GPC4: variants seen among roughly 807,000 people sequenced by gnomAD.
GPC4 encodes glypican-4.
In GPC4, 10 loss-of-function variants were observed where a neutral mutation model predicts 35.0. The ratio of observed to expected loss-of-function variants is 0.29; its 90% CI spans 0.18 to 0.48. The LOEUF (loss-of-function observed/expected upper bound fraction) is 0.48. GPC4 is among the 20% of genes least tolerant of loss of function. The pLI is 0.99. For missense variants in GPC4, 322 were observed against 451.3 expected (o/e 0.71, Z 2.60); for synonymous variants, 167 against 170.2 (o/e 0.98, Z 0.15).
At chrX:133,414,737 G>T (rs992892529) in intron 1 of GPC4, 69 bp downstream of exon 1, 1 of 1,162,989 alleles carries the variant, frequency 8.6e-7, no homozygotes, top group Non-Finnish European at 1.2e-6. Context: ...CGGGGCGGGG[G>T]AAGGGAGTTG....
intron 2 of GPC4, among the ~76,000 whole-genome samples, chrX:133,335,331 C>A (rs1258518467): frequency 9.0e-6 from 1 of 110,931 alleles, no homozygotes; most frequent in Non-Finnish European, 1.9e-5. Flanking sequence ...AAAATGATAG[C>A]ATAGAAAAAC....
intron 4 of GPC4, 151 bp from the exon 5 acceptor site, chrX:133,306,305 G>A: frequency 3.3e-6 from 2 of 607,521 alleles, no homozygotes; most frequent in Non-Finnish European, 5.1e-6. Flanking sequence ...TTGTTTTTAT[G>A]TCTATTTCCC....
At chrX:133,336,875 G>A (rs2068446552) in intron 2 of GPC4, among the ~76,000 whole-genome samples, 1 of 110,977 alleles carries the variant, frequency 9.0e-6, no homozygotes, top group African/African-American at 3.3e-5. Context: ...CTGGAGTGCA[G>A]TGGCGCAATC....
chrX:133,378,413 C>CA (rs775357553), intron 1 of GPC4, among the ~76,000 whole-genome samples: 29 of 107,036 alleles, frequency 2.7e-4, no homozygotes, highest in East Asian at 6.0e-4. Context: ...TAAAAAAATA[C>CA]AAAAAAAACT....
At chrX:133,365,418 T>G (rs1569350955) in intron 1 of GPC4, among the ~76,000 whole-genome samples, 1 of 111,959 alleles carries the variant, frequency 8.9e-6, no homozygotes, top group Non-Finnish European at 1.9e-5. Context: ...GAGCACATTC[T>G]CTGCCCTCAG....
At position 133,415,201 on chromosome X, in the gene GPC4, C is replaced by G; in HGVS notation, c.-236G>C. ...GCGCCGGGCCAGGGGAGAAGGAGGG[C>G]GTGGAGGCGGCGCGCGGCCCAGGGA... On this transcript the variant is annotated 5_prime_UTR_variant, in exon 1 of 9. Transcript: ENST00000370828. 1 of 367,547 alleles carries G rather than the reference C, an allele frequency of 2.7e-6. No individual in the cohort carries two copies. The allele number at this position is 367,547 out of a possible 1,213,427, so 30.3% of individuals were successfully genotyped here.
At chrX:133,344,648 G>A (rs1243836306) in intron 1 of GPC4, among the ~76,000 whole-genome samples, 1 of 111,720 alleles carries the variant, frequency 9.0e-6, no homozygotes, top group Non-Finnish European at 1.9e-5. Flanking sequence ...AGGTGGGGCA[G>A]TAATAGAGGA....
chrX:133,326,848 C>T (rs2068396222), intron 2 of GPC4, among the ~76,000 whole-genome samples: 1 of 112,376 alleles, frequency 8.9e-6, no homozygotes, highest in Admixed American at 9.4e-5. Context: ...CAGTACTTTT[C>T]TAGAGTTCAA....
chrX:133,365,510 G>A (rs5977862), intron 1 of GPC4, among the ~76,000 whole-genome samples: 6,204 of 111,108 alleles, frequency 0.056, 425 homozygotes, highest in African/African-American at 0.19. Flanking sequence ...ACAATATTTT[G>A]CCAAGCCCCC....
At chrX:133,377,877 C>CTTTTTTTTTTCTTTT (rs2068641616) in intron 1 of GPC4, among the ~76,000 whole-genome samples, 7 of 86,188 alleles carry the variant, frequency 8.1e-5, no homozygotes, top group Non-Finnish European at 9.0e-5. Flanking sequence ...TTTTCTTTTT[C>CTTTTTTTTTTCTTTT]TTTTTTTTTT....
At chrX:133,414,601 G>A (rs934298223) in intron 1 of GPC4, 48 of 752,665 alleles carry the variant, frequency 6.4e-5, no homozygotes, top group Non-Finnish European at 6.6e-5. Flanking sequence ...TGCTGGGAAG[G>A]GGGGAGCGCT....
intron 1 of GPC4, among the ~76,000 whole-genome samples, chrX:133,345,617 C>T (rs983778965): frequency 2.7e-5 from 3 of 112,221 alleles, no homozygotes; most frequent in Non-Finnish European, 1.9e-5. Context: ...AATCACTGAG[C>T]TGTAACCAAC....
intron 3 of GPC4, among the ~76,000 whole-genome samples, chrX:133,321,338 C>G (rs2068363757): frequency 8.9e-6 from 1 of 111,802 alleles, no homozygotes; most frequent in South Asian, 3.8e-4. Flanking sequence ...GCTACCCTCC[C>G]CATCCATGTT....
intron 1 of GPC4, among the ~76,000 whole-genome samples, chrX:133,386,455 A>G (rs755398102): frequency 1.1e-4 from 12 of 111,986 alleles, no homozygotes; most frequent in African/African-American, 3.9e-4. Flanking sequence ...TGAAAGGGAC[A>G]TGATTTTATT....
chrX:133,336,240 A>G (rs771784894), intron 2 of GPC4, among the ~76,000 whole-genome samples: 1 of 112,175 alleles, frequency 8.9e-6, no homozygotes, highest in East Asian at 2.8e-4. Context: ...AGCCTTAAAA[A>G]TTAGTCAATC....
At chrX:133,406,077 G>A (rs1186437703) in intron 1 of GPC4, among the ~76,000 whole-genome samples, 2 of 112,165 alleles carry the variant, frequency 1.8e-5, no homozygotes, top group African/African-American at 6.5e-5. Flanking sequence ...TAAACACATG[G>A]CAAAGAGGAC....
intron 1 of GPC4, among the ~76,000 whole-genome samples, chrX:133,386,786 T>C (rs2068692880): frequency 8.9e-6 from 1 of 112,281 alleles, no homozygotes; most frequent in East Asian, 2.8e-4. Context: ...CTTTAGTTTA[T>C]GGTTTTGAGA....
chrX:133,412,627 A>G (rs979615313), intron 1 of GPC4, among the ~76,000 whole-genome samples: 2 of 111,847 alleles, frequency 1.8e-5, no homozygotes, highest in Admixed American at 9.5e-5. Flanking sequence ...GGGTGTGAGC[A>G]CATTAGCTTC....
chrX:133,382,424 C>CAAAAAAAAA (rs1284709655), intron 1 of GPC4, among the ~76,000 whole-genome samples: 1 of 15,644 alleles, frequency 6.4e-5, no homozygotes, highest in African/African-American at 2.7e-4. Context: ...GACTCCGTCT[C>CAAAAAAAAA]AAAAAAAAAA....
Sources: gnomAD v4.1 joint callset for allele counts (sites outside exome capture counted in the v4.1 genomes callset) on GRCh38, gnomAD v4.1.1 for gene constraint, MANE v1.5 for transcripts, NCBI Gene and HGNC (gene_info 2026-07-23, HGNC 2026-07-21) for gene names.